The following CEP43 variants were observed in gnomAD, a reference collection of about 807,000 sequenced individuals.
The protein encoded by CEP43 is FGFR1 oncogene partner.
In CEP43, 36 loss-of-function variants were observed where a neutral mutation model predicts 52.6. The observed-to-expected ratio is 0.68, with a 90% CI of 0.52 to 0.90. CEP43 has a LOEUF of 0.90. Ranked by LOEUF, CEP43 falls within the 40% of genes least tolerant of loss-of-function variation. CEP43 has a pLI of 0.00. For missense variants in CEP43, 506 were observed against 472.8 expected (o/e 1.07, Z -0.65); for synonymous variants, 192 against 172.4 (o/e 1.11, Z -0.89).
Position 167,026,552 on chromosome 6 carries a change from A to C in CEP43, c.925A>C (p.Arg309=). Residue 309 remains arginine, a synonymous_variant, in exon 10 of 13, where the codon AGG becomes CGG. Transcript: ENST00000366847. ...APSLKDSESK[R]GNTVLKDLKL... ...ATATTTTCTCCTGTTCACAGGTAAA[A>C]GGGGAAATACAGTTTTGAAAGATCT... 6.3e-7 allele frequency: 1 copy of C among 1,579,930 alleles called. No individual in the cohort carries two copies. Among genetic ancestry groups the C allele is most frequent in the East Asian group, 2.2e-5 (1 of 44,694 alleles).
At chr6:167,012,474 A>G (rs185265635) in intron 6 of CEP43, among the ~76,000 whole-genome samples, 4 of 152,324 alleles carry the variant, frequency 2.6e-5, no homozygotes, top group Admixed American at 2.0e-4. Context: ...AAAACAGCCT[A>G]TGTAAGTAAG....
In CEP43 at chr6:167,044,444, C is replaced by T; in HGVS notation, c.*4466C>T. On this transcript the variant is annotated 3_prime_UTR_variant, in exon 13 of 13. Coordinates refer to ENST00000366847, the MANE Select transcript of CEP43 (RefSeq NM_007045.4). ...TGACAAGATGCGCCAGGAGACTTGGCCAGAGGACCTCCAGGCTGACAAAGT... is the reference window on the plus strand; with the variant it reads ...TGACAAGATGCGCCAGGAGACTTGGTCAGAGGACCTCCAGGCTGACAAAGT... 1 of 985,172 alleles carries T rather than the reference C, an allele frequency of 1.0e-6. No individual in the cohort carries two copies. Among genetic ancestry groups the T allele is most frequent in the Non-Finnish European group, 1.2e-6 (1 of 829,788 alleles). 61.0% of individuals were successfully genotyped at this position (985,172 alleles called of 1,614,324 possible). A position where few individuals can be genotyped will look rare whatever the true frequency, so the allele number is the denominator to read the frequency against.
rs1403112476 is a variant in CEP43, at chr6:167,041,970, C to T, written c.*1992C>T. ...TCCTGAGTAGCTGGGATTACAGGTG[C>T]ACACCACCACGCCCGGCTAATTTTT... On this transcript the variant is annotated 3_prime_UTR_variant, in exon 13 of 13. Coordinates refer to ENST00000366847, the MANE Select transcript of CEP43 (RefSeq NM_007045.4). 2.6e-5 allele frequency: 10 copies of T among 387,712 alleles called. No homozygotes were observed. Among genetic ancestry groups the T allele is most frequent in the Admixed American group, 6.3e-5 (1 of 15,772 alleles). 24.0% of individuals were successfully genotyped at this position (387,712 alleles called of 1,614,324 possible).
Position 167,022,546 on chromosome 6 carries a change from C to G in CEP43, c.717C>G (p.Asp239Glu), listed in dbSNP as rs371590516. ...GCAACAGAACTTTAGATGGCAAAGA[C>G]AAAGCTGGCCTTTGTCCAGATGAAG... ...FLSNRTLDGK[D>E]KAGLCPDEDD... The change falls in exon 8 of 13, where the codon GAC becomes GAG. Residue 239 changes from aspartate to glutamate, a missense_variant. Physicochemically the swap from Asp to Glu is conservative, Grantham distance 45 (BLOSUM62 2). Transcript: ENST00000366847. The G allele has an allele frequency of 6.2e-7, 1 of 1,614,006 alleles. No homozygotes were observed. The highest frequency in any genetic ancestry group is 8.5e-7 in the Non-Finnish European group (1 of 1,179,964).
In CEP43 at chr6:167,008,123, G is replaced by GT. The variant is rs71032893; in HGVS notation, c.439-2676dup. Among the ~76,000 whole-genome samples the GT allele has an allele frequency of 6.8e-3, 974 of 143,954 alleles. 2 individuals carry two copies. The highest frequency in any genetic ancestry group is 0.015 in the African/African-American group (562 of 38,482). The allele number at this position is 143,954 out of a possible 152,430, so 94.4% of individuals were successfully genotyped here. A position where few individuals can be genotyped will look rare whatever the true frequency, so the allele number is the denominator to read the frequency against. ...TTAACCTGTCTTTCTAGCCTTATGT[G>GT]TTTTTTTTTTTTTTAATGTGGAACC... On this transcript the variant is annotated intron_variant, in intron 5 of 12. Transcript: ENST00000366847.
At chr6:167,039,278 C>G (rs528864015) in intron 12 of CEP43, among the ~76,000 whole-genome samples, 1 of 152,038 alleles carries the variant, frequency 6.6e-6, no homozygotes, top group African/African-American at 2.4e-5. Context: ...TACAGGCACC[C>G]GCTATATTGT....
In CEP43 at chr6:167,033,966, G is replaced by T; in HGVS notation, c.1120G>T (p.Asp374Tyr). ...GGAAATAGATGACATCAATACCAGT[G>T]ATAAGGTATGGTGTTCTGCATTTCC... ...SVEIDDINTS[D>Y]KLDDLTQDLT... Residue 374 changes from aspartate (D) to tyrosine (Y), a missense_variant, in exon 12 of 13, where the codon GAT becomes TAT. Asp to Tyr is a radical substitution (Grantham distance 160). Transcript: ENST00000366847. 6.7e-7 allele frequency: 1 copy of T among 1,485,002 alleles called. No homozygotes were observed. The allele number at this position is 1,485,002 out of a possible 1,614,324, so 92.0% of individuals were successfully genotyped here.
Position 167,040,730 on chromosome 6 carries a change from G to T in CEP43, c.*752G>T. 3 of 908,218 alleles carry T rather than the reference G, an allele frequency of 3.3e-6. No individual in the cohort carries two copies. The highest frequency in any genetic ancestry group is 4.0e-6 in the Non-Finnish European group (3 of 748,166). The allele number at this position is 908,218 out of a possible 1,614,324, so 56.3% of individuals were successfully genotyped here. On this transcript the variant is annotated 3_prime_UTR_variant, in exon 13 of 13. Coordinates refer to ENST00000366847, the MANE Select transcript of CEP43 (RefSeq NM_007045.4). ...TTCTCTTCATTATAATTTATTATCTGTAAAGATTCCTTGAAACTTAAATGC... is the reference window on the plus strand; with the variant it reads ...TTCTCTTCATTATAATTTATTATCTTTAAAGATTCCTTGAAACTTAAATGC...
intron 6 of CEP43, chr6:167,011,547 T>C (rs1387435431): frequency 1.3e-5 from 2 of 152,194 alleles, no homozygotes; most frequent in Non-Finnish European, 2.9e-5. Context: ...GTCAGGAAAT[T>C]TGTTTTCTCA....
rs991090638 is a variant in CEP43 at position 167,049,554 on chromosome 6, T to C, written c.*9576T>C. ...AGCATTTGTCAGTACTTCATTTATT[T>C]TTGTTTCCTAACAATACTCCATTGT... is the stretch of plus-strand genomic sequence containing the variant. On this transcript the variant is annotated 3_prime_UTR_variant, in exon 13 of 13. Transcript: ENST00000366847. 2 of 152,240 alleles carry C rather than the reference T, an allele frequency of 1.3e-5. No homozygotes were observed. The highest frequency in any genetic ancestry group is 2.9e-5 in the Non-Finnish European group (2 of 68,038). 9.4% of individuals were successfully genotyped at this position (152,240 alleles called of 1,614,324 possible).
chr6:167,051,780 T>C lies in CEP43; in HGVS notation c.*11802T>C, dbSNP rs1780873422. 3 of 152,268 alleles carry C rather than the reference T, an allele frequency of 2.0e-5. No individual in the cohort carries two copies. Among genetic ancestry groups the C allele is most frequent in the Admixed American group, 1.3e-4 (2 of 15,290 alleles). 9.4% of individuals were successfully genotyped at this position (152,268 alleles called of 1,614,324 possible). ...TGTTTGATATTAGCATAGCTATTCT[T>C]GCTCTTACTGTGGCAATTTGTATGA... is the stretch of plus-strand genomic sequence containing the variant. On this transcript the variant is annotated 3_prime_UTR_variant, in exon 13 of 13. Coordinates refer to ENST00000366847, the MANE Select transcript of CEP43 (RefSeq NM_007045.4).
chr6:167,008,710 GT>G (rs1779910202), intron 5 of CEP43, among the ~76,000 whole-genome samples: 2 of 151,824 alleles, frequency 1.3e-5, no homozygotes, highest in Non-Finnish European at 2.9e-5. Context: ...CTCTGACCTC[GT>G]GATCCACCCG....
intron 11 of CEP43, 45 bp from the exon 12 acceptor site, chr6:167,033,830 G>A (rs768404139): frequency 1.1e-6 from 1 of 925,750 alleles, no homozygotes; most frequent in Non-Finnish European, 1.7e-6. Flanking sequence ...CTCTTTAAAT[G>A]TTTATTTTCA....
Position 167,003,187 on chromosome 6 carries a change from T to TA in CEP43, c.157-4dup. The TA allele has an allele frequency of 7.3e-7, 1 of 1,370,144 alleles. No individual in the cohort carries two copies. Among genetic ancestry groups the TA allele is most frequent in the South Asian group, 1.3e-5 (1 of 74,822 alleles). The allele number at this position is 1,370,144 out of a possible 1,614,324, so 84.9% of individuals were successfully genotyped here. On this transcript the variant is annotated splice_region_variant and splice_polypyrimidine_tract_variant and intron_variant, in intron 2 of 12. Transcript: ENST00000366847. The stretch of plus-strand genomic sequence containing the variant: ...CATGACACTTAAATTTTTTTTTTTT[T>TA]AACAGAACAAAACTCCTTTAGTTAA...
At position 167,025,061 on chromosome 6, in the gene CEP43, A is replaced by G. The variant is rs572071822; in HGVS notation, c.919+167A>G. The stretch of plus-strand genomic sequence containing the variant: ...TATTTTGTTGTGTTTTGTTACTTCT[A>G]AGGTGGTCCTATTTTATATGTTGTT... On this transcript the variant is annotated intron_variant, in intron 9 of 12. Transcript: ENST00000366847. 141 of 562,182 alleles carry G rather than the reference A, an allele frequency of 2.5e-4. No homozygotes were observed. The African/African-American group carries it at 2.6e-3, about 10-fold the overall frequency. The allele number at this position is 562,182 out of a possible 1,614,324, so 34.8% of individuals were successfully genotyped here.
chr6:167,017,457 C>T (rs1780128701), intron 7 of CEP43, among the ~76,000 whole-genome samples: 3 of 152,260 alleles, frequency 2.0e-5, no homozygotes, highest in South Asian at 2.1e-4. Flanking sequence ...TGAGCATCCT[C>T]GGACTTTGGT....
At chr6:167,015,924 AT>A (rs1332404645) in intron 7 of CEP43, among the ~76,000 whole-genome samples, 12 of 152,222 alleles carry the variant, frequency 7.9e-5, no homozygotes, top group Non-Finnish European at 1.3e-4. Context: ...TACAAGGAGT[AT>A]AAATATGAAA....
rs1780884453 is a variant in CEP43 at position 167,052,598 on chromosome 6, G to A, written c.*12620G>A. 6.6e-6 allele frequency: 1 copy of A among 152,154 alleles called. No individual in the cohort carries two copies. The highest frequency in any genetic ancestry group is 2.1e-4 in the South Asian group (1 of 4,830). The allele number at this position is 152,154 out of a possible 1,614,324, so 9.4% of individuals were successfully genotyped here. A position where few individuals can be genotyped will look rare whatever the true frequency, so the allele number is the denominator to read the frequency against. On this transcript the variant is annotated 3_prime_UTR_variant, in exon 13 of 13. Transcript: ENST00000366847. ...TTTGCGGATTTCAAAATGGCTCCAC[G>A]TACTCATAGTTTTCATGACAGACTT...
chr6:167,038,790 A>G (rs1437328888), intron 12 of CEP43, among the ~76,000 whole-genome samples: 3 of 152,060 alleles, frequency 2.0e-5, no homozygotes, highest in Non-Finnish European at 4.4e-5. Flanking sequence ...CAGTTTTTTT[A>G]ATTTTTAGTT....
Sources: gnomAD v4.1 joint callset for allele counts (sites outside exome capture counted in the v4.1 genomes callset) on GRCh38, gnomAD v4.1.1 for gene constraint, MANE v1.5 for transcripts, NCBI Gene and HGNC (gene_info 2026-07-23, HGNC 2026-07-21) for gene names.